Variants in ARHGAP15 observed in about 807,000 individuals in gnomAD.
ARHGAP15 encodes the protein rho GTPase-activating protein 15.
A neutral mutation model predicts 63.7 loss-of-function variants in ARHGAP15; 51 were observed. The ratio of observed to expected loss-of-function variants is 0.80; its 90% CI spans 0.64 to 1.01. ARHGAP15 has a LOEUF of 1.01. Among genes scored for constraint, ARHGAP15 ranks in the 50% least tolerant of loss-of-function variants. The probability of loss-of-function intolerance (pLI) is 0.00; values close to 1 mark genes in which losing one functional copy is unlikely to be tolerated. For synonymous variants in ARHGAP15, 191 were observed against 193.8 expected, an observed-to-expected ratio of 0.99 and a Z score of 0.12; for missense variants, 560 against 564.6, an observed-to-expected ratio of 0.99 and a Z score of 0.08.
chr2:143,648,926 G>A (rs1250757376), intron 12 of ARHGAP15: 2 of 151,882 alleles, frequency 1.3e-5, no homozygotes, highest in African/African-American at 4.8e-5. Context: ...ATAAAAGAGG[G>A]TCGTATCTCT....
intron 12 of ARHGAP15, among the ~76,000 whole-genome samples, chr2:143,639,635 C>T (rs1165448358): frequency 6.6e-6 from 1 of 151,530 alleles, no homozygotes; most frequent in Non-Finnish European, 1.5e-5. Flanking sequence ...CAATCCCCGG[C>T]AAGTGAATTA....
In ARHGAP15 at chr2:143,487,370, C is replaced by T. The variant is rs376178352; in HGVS notation, c.704-3C>T. On this transcript the variant is annotated splice_polypyrimidine_tract_variant and splice_region_variant and intron_variant, in intron 8 of 13. Coordinates refer to ENST00000295095, the MANE Select transcript of ARHGAP15 (RefSeq NM_018460.4). ...AAAGCCTCTGATTTTTTTAAATCTT[C>T]AGTGTTCAGACTGCATCACAGTGCT... 5.6e-6 allele frequency: 9 copies of T among 1,595,222 alleles called. No homozygotes were observed. Among genetic ancestry groups the T allele is most frequent in the Admixed American group, 1.8e-5 (1 of 54,980 alleles).
intron 2 of ARHGAP15, among the ~76,000 whole-genome samples, chr2:143,171,584 G>A (rs1306044391): frequency 6.6e-6 from 1 of 152,092 alleles, no homozygotes; most frequent in Non-Finnish European, 1.5e-5. Context: ...CAACCAGGCT[G>A]GGAAAGTTGG....
At chr2:143,328,587 G>A (rs1684362183) in intron 6 of ARHGAP15, among the ~76,000 whole-genome samples, 1 of 152,104 alleles carries the variant, frequency 6.6e-6, no homozygotes, top group Non-Finnish European at 1.5e-5. Context: ...CCTGTCAGGG[G>A]GTAGGGGAGT....
At chr2:143,722,980 A>G (rs1382441991) in intron 13 of ARHGAP15, among the ~76,000 whole-genome samples, 3 of 152,236 alleles carry the variant, frequency 2.0e-5, no homozygotes, top group African/African-American at 7.2e-5. Flanking sequence ...ACACCACATA[A>G]TGACACATCC....
intron 2 of ARHGAP15, 135 bp downstream of exon 2, chr2:143,155,790 T>C (rs1466376964): frequency 2.4e-6 from 2 of 827,846 alleles, no homozygotes; most frequent in African/African-American, 3.5e-5. Flanking sequence ...ATGCATTTTA[T>C]CTTGCATACT....
chr2:143,177,550 A>G (rs919295464), intron 2 of ARHGAP15, among the ~76,000 whole-genome samples: 1 of 152,186 alleles, frequency 6.6e-6, no homozygotes, highest in Admixed American at 6.5e-5. Context: ...TATTCACTCA[A>G]GTATCTGTAC....
At chr2:143,233,746 A>T (rs1693537284) in intron 5 of ARHGAP15, among the ~76,000 whole-genome samples, 2 of 150,978 alleles carry the variant, frequency 1.3e-5, no homozygotes, top group African/African-American at 2.4e-5. Context: ...TCCCAAGTTC[A>T]AGAATTCTCA....
chr2:143,326,668 A>G (rs188282147), intron 6 of ARHGAP15, among the ~76,000 whole-genome samples: 14 of 152,328 alleles, frequency 9.2e-5, no homozygotes, highest in Admixed American at 2.6e-4. Context: ...TTCTGAGTGT[A>G]TGCATTCCTG....
At chr2:143,132,713 C>T (rs1487113144) in intron 1 of ARHGAP15, among the ~76,000 whole-genome samples, 2 of 152,302 alleles carry the variant, frequency 1.3e-5, no homozygotes, top group African/African-American at 2.4e-5. Context: ...AATTAAAATG[C>T]TTTCCCCAGA....
At chr2:143,647,313 G>T (rs924192710) in intron 12 of ARHGAP15, among the ~76,000 whole-genome samples, 9 of 147,118 alleles carry the variant, frequency 6.1e-5, no homozygotes, top group African/African-American at 2.3e-4. Context: ...TTCTTATTTT[G>T]AAAGCAATCA....
chr2:143,735,757 CA>C (rs374159360), intron 13 of ARHGAP15, among the ~76,000 whole-genome samples: 1 of 149,704 alleles, frequency 6.7e-6, no homozygotes, highest in Admixed American at 6.6e-5. Context: ...GACTAGAAGT[CA>C]AAAAAAAATC....
chr2:143,273,142 C>T (rs932699496), intron 6 of ARHGAP15, among the ~76,000 whole-genome samples: 1 of 151,856 alleles, frequency 6.6e-6, no homozygotes, highest in South Asian at 2.1e-4. Context: ...TATTCTATTG[C>T]TATTTGTGAA....
chr2:143,300,196 A>G (rs1574235473), intron 6 of ARHGAP15, among the ~76,000 whole-genome samples: 1 of 152,042 alleles, frequency 6.6e-6, no homozygotes, highest in African/African-American at 2.4e-5. Context: ...GTCTGTTGGT[A>G]CCAGTGTGGC....
chr2:143,493,294 A>G (rs1692668875), intron 9 of ARHGAP15, among the ~76,000 whole-genome samples: 1 of 152,050 alleles, frequency 6.6e-6, no homozygotes, highest in African/African-American at 2.4e-5. Flanking sequence ...TGGCTTTTTC[A>G]TATTTTGGAC....
chr2:143,405,607 A>T (rs895335925), intron 6 of ARHGAP15, among the ~76,000 whole-genome samples: 10 of 151,932 alleles, frequency 6.6e-5, no homozygotes, highest in African/African-American at 2.2e-4. Flanking sequence ...CTCATTTTAT[A>T]TAACAACTTT....
intron 9 of ARHGAP15, among the ~76,000 whole-genome samples, chr2:143,492,354 T>TTCTCCTCTCA (rs1253089934): frequency 1.3e-5 from 2 of 152,338 alleles, no homozygotes; most frequent in Admixed American, 1.3e-4. Context: ...TACAGCCACC[T>TTCTCCTCTCA]TCTCCTCTCA....
At chr2:143,339,058 T>C (rs112511790) in intron 6 of ARHGAP15, among the ~76,000 whole-genome samples, 3 of 152,082 alleles carry the variant, frequency 2.0e-5, no homozygotes, top group African/African-American at 7.2e-5. Context: ...TTTTCATAAA[T>C]ATTGATTGAA....
intron 6 of ARHGAP15, among the ~76,000 whole-genome samples, chr2:143,265,283 G>C (rs1056428197): frequency 4.0e-5 from 6 of 151,310 alleles, no homozygotes; most frequent in Non-Finnish European, 8.8e-5. Context: ...ATCATTATTA[G>C]GCCAACAACT....
Sources: gnomAD v4.1 joint callset for allele counts (sites outside exome capture counted in the v4.1 genomes callset) on GRCh38, gnomAD v4.1.1 for gene constraint, MANE v1.5 for transcripts, NCBI Gene and HGNC (gene_info 2026-07-23, HGNC 2026-07-21) for gene names.